The following OGDHL variants were observed in gnomAD, a reference collection of about 807,000 sequenced individuals.
OGDHL encodes 2-oxoglutarate dehydrogenase-like, mitochondrial.
A neutral mutation model predicts 109.6 loss-of-function variants in OGDHL; 79 were observed. That is an observed-to-expected ratio of 0.72 (90% CI 0.60 to 0.87). The LOEUF (loss-of-function observed/expected upper bound fraction) is 0.87, where lower values mean the gene tolerates loss of function less well. OGDHL is among the 40% of genes least tolerant of loss of function. OGDHL has a pLI of 0.00. For synonymous variants in OGDHL, 528 were observed against 537.2 expected (o/e 0.98, Z 0.24); for missense variants, 1,275 against 1,362.2 (o/e 0.94, Z 1.01).
chr10:49,761,081 T>C (rs995120559), intron 1 of OGDHL, among the ~76,000 whole-genome samples: 2 of 152,002 alleles, frequency 1.3e-5, no homozygotes, highest in African/African-American at 4.8e-5. Flanking sequence ...CAGCAGGGCA[T>C]GAGGGCTCAG....
chr10:49,762,211 C>G (rs1843339543), intron 1 of OGDHL, 28 bp downstream of exon 1: 1 of 152,520 alleles, frequency 6.6e-6, no homozygotes, highest in Admixed American at 6.5e-5. Flanking sequence ...GGCGCAGGGA[C>G]CGGGAGGGGG....
At chr10:49,750,611 G>C (rs1380662076) in intron 7 of OGDHL, among the ~76,000 whole-genome samples, 1 of 152,218 alleles carries the variant, frequency 6.6e-6, no homozygotes, top group Non-Finnish European at 1.5e-5. Context: ...GCCAGGGAGA[G>C]AGGGTGCCTG....
At chr10:49,755,161 T>C (rs1417027576) in intron 3 of OGDHL, among the ~76,000 whole-genome samples, 2 of 152,166 alleles carry the variant, frequency 1.3e-5, no homozygotes, top group Non-Finnish European at 1.5e-5. Context: ...GGAGAATCAC[T>C]TGACCACGTG....
At chr10:49,750,226 A>ACAGGC (rs1338660433) in intron 7 of OGDHL, among the ~76,000 whole-genome samples, 2 of 152,062 alleles carry the variant, frequency 1.3e-5, no homozygotes, top group African/African-American at 4.8e-5. Flanking sequence ...GGCCCTTCCC[A>ACAGGC]CAGGCCACTC....
intron 8 of OGDHL, among the ~76,000 whole-genome samples, chr10:49,749,072 G>T (rs1258176): frequency 2.6e-5 from 4 of 152,130 alleles, no homozygotes; most frequent in African/African-American, 4.8e-5. Flanking sequence ...AGCCGGGCGT[G>T]GTGGCGCATG....
rs547595163 is a variant in OGDHL at position 49,762,279 on chromosome 10, G to A, written c.-42C>T. On this transcript the variant is annotated 5_prime_UTR_variant, in exon 1 of 23. Coordinates refer to ENST00000374103, the MANE Select transcript of OGDHL (RefSeq NM_018245.3). ...GGTCCGCGCTGCAGCGAGGTCCGGA[G>A]GCTGCAGGTCAGGGGGCTGCGCGGA... is the stretch of plus-strand genomic sequence containing the variant. 6.6e-6 allele frequency: 1 copy of A among 152,256 alleles called. No homozygotes were observed. The highest frequency in any genetic ancestry group is 2.4e-5 in the African/African-American group (1 of 41,568). 9.4% of individuals were successfully genotyped at this position (152,256 alleles called of 1,614,324 possible).
chr10:49,756,538 A>AG (rs892971338), intron 3 of OGDHL: 45 of 414,268 alleles, frequency 1.1e-4, no homozygotes, highest in African/African-American at 8.6e-4. Context: ...GGTGTGTGCA[A>AG]GGAACAGACC....
chr10:49,752,042 T>C, intron 5 of OGDHL, 61 bp from the exon 6 acceptor site: 1 of 1,611,140 alleles, frequency 6.2e-7, no homozygotes, highest in East Asian at 2.2e-5. Context: ...ACATCCCTGC[T>C]GTCTAGAACA....
chr10:49,744,356 C>A (rs747496161), intron 13 of OGDHL, among the ~76,000 whole-genome samples: 1 of 152,156 alleles, frequency 6.6e-6, no homozygotes, highest in African/African-American at 2.4e-5. Context: ...TAACCCTGCC[C>A]CCCAGGGAGG....
chr10:49,745,377 A>C lies in OGDHL; in HGVS notation c.1596T>G (p.Ile532Met). 1 of 1,614,086 alleles carries C rather than the reference A, an allele frequency of 6.2e-7. No individual in the cohort carries two copies. The highest frequency in any genetic ancestry group is 1.1e-5 in the South Asian group (1 of 91,082). The change falls in exon 12 of 23, where the codon ATT becomes ATG. Residue 532 changes from isoleucine (I) to methionine (M), a missense_variant. Transcript: ENST00000374103. Reference sequence around the variant, plus strand: ...CCTGCAGGGTGACTGTGCCCTCGGCAATCAGCTTGTCTGCGTACTTCTTCA... The same window carrying C: ...CCTGCAGGGTGACTGTGCCCTCGGCCATCAGCTTGTCTGCGTACTTCTTCA... ...PVLKKYADKL[I>M]AEGTVTLQEF...
intron 17 of OGDHL, chr10:49,738,493 A>G: frequency 3.5e-6 from 2 of 573,022 alleles, no homozygotes; most frequent in South Asian, 4.2e-5. Context: ...GCAGGGACAG[A>G]AGAAAAAGCA....
At chr10:49,749,916 C>G in intron 7 of OGDHL, 100 bp from the exon 8 acceptor site, 1 of 994,634 alleles carries the variant, frequency 1.0e-6, no homozygotes, top group East Asian at 2.6e-5. Context: ...ACAGCCCCTT[C>G]GTGCCCAGAG....
Position 49,745,933 on chromosome 10 carries a change from G to A in OGDHL, c.1341C>T (p.Tyr447=). 2 of 1,614,214 alleles carry A rather than the reference G, an allele frequency of 1.2e-6. No individual in the cohort carries two copies. Among genetic ancestry groups the A allele is most frequent in the African/African-American group, 2.7e-5 (2 of 75,046 alleles). The change falls in exon 11 of 23, where the codon TAC becomes TAT. Residue 447 remains tyrosine, a synonymous_variant. Coordinates refer to ENST00000374103, the MANE Select transcript of OGDHL (RefSeq NM_018245.3). The part of the protein sequence containing the change: ...TDPRMARSSP[Y]PTDVARVVNA... ...TGACCACCCGGGCCACGTCGGTCGG[G>A]TATGGTGAGGAGCGGGCCATTCGGG...
At chr10:49,751,125 G>T in intron 6 of OGDHL, 140 bp from the exon 7 acceptor site, 1 of 786,456 alleles carries the variant, frequency 1.3e-6, no homozygotes, top group Non-Finnish European at 2.0e-6. Context: ...CACCTACATG[G>T]TCCAGGGCCC....
chr10:49,749,616 T>C, intron 8 of OGDHL, 110 bp downstream of exon 8: 1 of 905,952 alleles, frequency 1.1e-6, no homozygotes, highest in Non-Finnish European at 1.6e-6. Context: ...CTCCAATGCA[T>C]CCATCTTAAG....
chr10:49,740,355 G>A (rs1309707531), intron 16 of OGDHL, among the ~76,000 whole-genome samples: 1 of 152,102 alleles, frequency 6.6e-6, no homozygotes, highest in African/African-American at 2.4e-5. Context: ...GGCAAGATGG[G>A]GCTCAAAGGA....
rs1430374565 is a variant in OGDHL, at chr10:49,747,018, GGT to G, written c.1167+9_1167+10del. 4 of 1,613,192 alleles carry G rather than the reference GGT, an allele frequency of 2.5e-6. No homozygotes were observed. Among genetic ancestry groups the G allele is most frequent in the Non-Finnish European group, 3.4e-6 (4 of 1,179,426 alleles). On this transcript the variant is annotated intron_variant, in intron 9 of 22. Coordinates refer to ENST00000374103, the MANE Select transcript of OGDHL (RefSeq NM_018245.3). The stretch of plus-strand genomic sequence containing the variant: ...GGCCCAGGTCCTCTGGGTTCCCCCA[GGT>G]GAGCTCACCTTCTTGCCCTGGGCAT...
chr10:49,752,210 A>T lies in OGDHL; in HGVS notation c.517T>A (p.Phe173Ile). 1 of 1,613,950 alleles carries T rather than the reference A, an allele frequency of 6.2e-7. No individual in the cohort carries two copies. The highest frequency in any genetic ancestry group is 2.2e-5 in the East Asian group (1 of 44,856). The change falls in exon 5 of 23, where the codon TTC becomes ATC. Residue 173 changes from phenylalanine to isoleucine, a missense_variant. By Grantham distance (21) the Phe-to-Ile change is conservative (BLOSUM62 0). Transcript: ENST00000374103. ...DLQEADLDKE[F>I]QLPTTTFIGG... is the part of the protein sequence containing the mutation. The stretch of plus-strand genomic sequence containing the variant: ...ATGAAGGTGGTTGTCGGCAGCTGGA[A>T]CTCCTTATCAAGGTCAGCCTCCTGA...
intron 8 of OGDHL, 86 bp downstream of exon 8, chr10:49,749,640 C>T (rs1419294394): frequency 1.1e-5 from 13 of 1,174,082 alleles, no homozygotes; most frequent in Non-Finnish European, 1.6e-5. Context: ...TATCTCAGCC[C>T]GGAAGCTCCC....
Sources: gnomAD v4.1 joint callset for allele counts (sites outside exome capture counted in the v4.1 genomes callset) on GRCh38, gnomAD v4.1.1 for gene constraint, MANE v1.5 for transcripts, NCBI Gene and HGNC (gene_info 2026-07-23, HGNC 2026-07-21) for gene names.